OSBPL1A: variants seen among roughly 807,000 people sequenced by gnomAD.
The protein encoded by OSBPL1A is oxysterol binding protein like 1A, also known as oxysterol-binding protein-related protein 1.
A neutral mutation model predicts 137.1 loss-of-function variants in OSBPL1A; 80 were observed. The ratio of observed to expected loss-of-function variants is 0.58; its 90% CI spans 0.49 to 0.70. OSBPL1A has a LOEUF of 0.70. OSBPL1A is among the 30% of genes least tolerant of loss of function. The pLI is 0.00. For missense variants in OSBPL1A, 970 were observed against 1,129.4 expected, an observed-to-expected ratio of 0.86 and a Z score of 2.02; for synonymous variants, 365 against 389.7, an observed-to-expected ratio of 0.94 and a Z score of 0.75.
intron 26 of OSBPL1A, among the ~76,000 whole-genome samples, chr18:24,166,165 CA>C (rs534172926): frequency 2.5e-4 from 38 of 152,260 alleles, no homozygotes; most frequent in African/African-American, 8.4e-4. Flanking sequence ...ATGCCTGTAT[CA>C]AAATATCCCA....
chr18:24,220,500 T>C (rs371798554), intron 17 of OSBPL1A, among the ~76,000 whole-genome samples: 17 of 152,320 alleles, frequency 1.1e-4, no homozygotes, highest in African/African-American at 4.1e-4. Context: ...CCCATTGTCT[T>C]GGGGAACCAC....
intron 4 of OSBPL1A, among the ~76,000 whole-genome samples, chr18:24,347,423 G>A (rs1342598466): frequency 3.9e-5 from 6 of 152,118 alleles, no homozygotes; most frequent in Admixed American, 6.5e-5. Context: ...GACCTCAGGC[G>A]ATCCGCCCGT....
intron 15 of OSBPL1A, among the ~76,000 whole-genome samples, chr18:24,268,669 T>A (rs2089642397): frequency 6.6e-6 from 1 of 152,054 alleles, no homozygotes; most frequent in Non-Finnish European, 1.5e-5. Context: ...TGTTCTAGAG[T>A]TCCTCCTGCC....
intron 17 of OSBPL1A, among the ~76,000 whole-genome samples, chr18:24,213,495 G>C (rs553098800): frequency 4.6e-5 from 7 of 152,212 alleles, no homozygotes; most frequent in Non-Finnish European, 1.0e-4. Flanking sequence ...TTGAACCCAG[G>C]AGGCAGAGGT....
At chr18:24,218,839 T>C (rs971087105) in intron 17 of OSBPL1A, among the ~76,000 whole-genome samples, 2 of 152,188 alleles carry the variant, frequency 1.3e-5, no homozygotes, top group Non-Finnish European at 2.9e-5. Flanking sequence ...AAAATAAGCA[T>C]GTGAGGTATG....
chr18:24,355,653 G>A (rs554462328), intron 4 of OSBPL1A, among the ~76,000 whole-genome samples: 3 of 152,148 alleles, frequency 2.0e-5, no homozygotes, highest in African/African-American at 7.2e-5. Flanking sequence ...GATATCAACA[G>A]TGAAAGGTAA....
At chr18:24,315,722 GTAATA>G (rs2090711299) in intron 11 of OSBPL1A, among the ~76,000 whole-genome samples, 1 of 113,118 alleles carries the variant, frequency 8.8e-6, no homozygotes, top group Non-Finnish European at 1.7e-5. Context: ...TATAATATAT[GTAATA>G]TATTATATAA....
intron 14 of OSBPL1A, among the ~76,000 whole-genome samples, chr18:24,299,231 A>G (rs2090352936): frequency 1.3e-5 from 2 of 152,122 alleles, no homozygotes; most frequent in African/African-American, 4.8e-5. Flanking sequence ...ATTTATGTTC[A>G]ATGTTAATAT....
intron 15 of OSBPL1A, among the ~76,000 whole-genome samples, chr18:24,273,921 T>C (rs76958241): frequency 0.012 from 1,893 of 151,986 alleles, 42 homozygotes; most frequent in African/African-American, 0.043. Flanking sequence ...TAAAGGGAGA[T>C]AGGCAACCAA....
chr18:24,358,295 G>A (rs189487393), intron 4 of OSBPL1A: 10 of 596,328 alleles, frequency 1.7e-5, no homozygotes, highest in African/African-American at 7.4e-5. Context: ...TAAAGGCCTG[G>A]CTGCTCATCC....
chr18:24,243,485 TAC>T (rs2088780325), intron 15 of OSBPL1A, among the ~76,000 whole-genome samples: 1 of 152,208 alleles, frequency 6.6e-6, no homozygotes, highest in African/African-American at 2.4e-5. Flanking sequence ...AACGAGTACA[TAC>T]ATTTTAATAC....
intron 17 of OSBPL1A, among the ~76,000 whole-genome samples, chr18:24,199,249 A>C (rs1002824780): frequency 1.3e-5 from 2 of 152,102 alleles, no homozygotes; most frequent in Middle Eastern, 3.2e-3. Context: ...ATCTCTTACA[A>C]GCAGTGCTAA....
intron 18 of OSBPL1A, among the ~76,000 whole-genome samples, chr18:24,186,728 AC>A (rs1456569967): frequency 1.3e-5 from 2 of 151,938 alleles, no homozygotes; most frequent in Non-Finnish European, 2.9e-5. Flanking sequence ...ACATGGTGAA[AC>A]CCTGTCTCTA....
intron 1 of OSBPL1A, among the ~76,000 whole-genome samples, chr18:24,390,136 T>C (rs902487459): frequency 1.4e-4 from 22 of 152,124 alleles, no homozygotes; most frequent in Non-Finnish European, 2.9e-5. Flanking sequence ...ACATCCAGGC[T>C]CAATTCACCT....
intron 18 of OSBPL1A, among the ~76,000 whole-genome samples, chr18:24,194,740 T>A (rs2086977187): frequency 6.6e-6 from 1 of 152,178 alleles, no homozygotes; most frequent in South Asian, 2.1e-4. Flanking sequence ...CACCTACCTC[T>A]AAGGTACAAA....
chr18:24,333,181 T>C, intron 6 of OSBPL1A, 95 bp from the exon 7 acceptor site: 2 of 1,366,874 alleles, frequency 1.5e-6, no homozygotes, highest in Non-Finnish European at 2.0e-6. Context: ...GCCCGAAGAA[T>C]AGCCAAGCTC....
chr18:24,259,967 T>G (rs275857), intron 15 of OSBPL1A, among the ~76,000 whole-genome samples: 11,732 of 152,106 alleles, frequency 0.077, 701 homozygotes, highest in African/African-American at 0.17. Flanking sequence ...TACACAATCA[T>G]GTACAGAACT....
chr18:24,354,489 G>T (rs572100726), intron 4 of OSBPL1A, among the ~76,000 whole-genome samples: 1 of 152,042 alleles, frequency 6.6e-6, no homozygotes, highest in Non-Finnish European at 1.5e-5. Flanking sequence ...GGAAACTGAA[G>T]GAAGGTGAAG....
chr18:24,233,633 T>C (rs949123602), intron 16 of OSBPL1A, among the ~76,000 whole-genome samples: 2 of 152,002 alleles, frequency 1.3e-5, no homozygotes. Flanking sequence ...CTTTCTTTCT[T>C]TCTCTCTTTC....
Sources: gnomAD v4.1 joint callset for allele counts (sites outside exome capture counted in the v4.1 genomes callset) on GRCh38, gnomAD v4.1.1 for gene constraint, MANE v1.5 for transcripts, NCBI Gene and HGNC (gene_info 2026-07-23, HGNC 2026-07-21) for gene names.